Variants in DLG2 observed in about 807,000 individuals in gnomAD.
DLG2 encodes disks large homolog 2.
In DLG2, 45 loss-of-function variants were observed where a neutral mutation model predicts 132.5. That is an observed-to-expected ratio of 0.34 (90% CI 0.27 to 0.44). The LOEUF (loss-of-function observed/expected upper bound fraction) is 0.44. DLG2 is among the 20% of genes least tolerant of loss of function. DLG2 has a pLI of 1.00. For synonymous variants in DLG2, 424 were observed against 419.6 expected, an observed-to-expected ratio of 1.01 and a Z score of -0.13; for missense variants, 1,045 against 1,196.9, an observed-to-expected ratio of 0.87 and a Z score of 1.87.
intron 15 of DLG2, 56 bp downstream of exon 15, chr11:83,930,272 T>G: frequency 1.3e-6 from 2 of 1,594,824 alleles, no homozygotes; most frequent in Non-Finnish European, 1.7e-6. Context: ...TACCCATTTA[T>G]CCTTGTGGAA....
intron 7 of DLG2, among the ~76,000 whole-genome samples, chr11:84,439,461 C>A (rs757489897): frequency 1.3e-5 from 2 of 150,850 alleles, no homozygotes; most frequent in African/African-American, 2.5e-5. Context: ...TGCCTTGCTG[C>A]CAACCAGGGT....
chr11:84,964,099 A>G (rs1351930350), intron 6 of DLG2, among the ~76,000 whole-genome samples: 2 of 152,138 alleles, frequency 1.3e-5, no homozygotes, highest in South Asian at 2.1e-4. Context: ...AAAAAACATT[A>G]AGGCAGCCTA....
In DLG2 at chr11:83,946,282, C is replaced by G. The variant is rs559182339; in HGVS notation, c.1341-15799G>C. Reference sequence around the variant, plus strand: ...GGATTACAGGCTTGAGCCACCACACCCAGCCAACTTCTGGTAATATGATTT... The same window carrying G: ...GGATTACAGGCTTGAGCCACCACACGCAGCCAACTTCTGGTAATATGATTT... On this transcript the variant is annotated intron_variant, in intron 14 of 27. Transcript: ENST00000376104. Among the ~76,000 whole-genome samples the G allele has an allele frequency of 3.3e-5, 5 of 152,268 alleles. No homozygotes were observed. The East Asian group carries it at 9.7e-4, about 29-fold the overall frequency.
intron 16 of DLG2, among the ~76,000 whole-genome samples, chr11:83,871,976 T>G (rs982506591): frequency 6.6e-6 from 1 of 152,000 alleles, no homozygotes; most frequent in Non-Finnish European, 1.5e-5. Context: ...TAAAAATTGG[T>G]GAGTTTGGGC....
intron 21 of DLG2, among the ~76,000 whole-genome samples, chr11:83,493,395 T>TTCCTTCCTTCCTTC (rs1565461867): frequency 7.3e-6 from 1 of 137,356 alleles, no homozygotes; most frequent in Non-Finnish European, 1.6e-5. Context: ...TTCCTTCCTT[T>TTCCTTCCTTCCTTC]CTCTCTCTTT....
At chr11:83,644,797 T>G (rs992240411) in intron 18 of DLG2, among the ~76,000 whole-genome samples, 3 of 152,124 alleles carry the variant, frequency 2.0e-5, no homozygotes, top group African/African-American at 7.2e-5. Flanking sequence ...AAAGGATCTA[T>G]GAGAAAGTGA....
chr11:84,720,667 AAAAAT>A (rs2061719266), intron 6 of DLG2, among the ~76,000 whole-genome samples: 1 of 152,104 alleles, frequency 6.6e-6, no homozygotes, highest in African/African-American at 2.4e-5. Flanking sequence ...GAGGTAAAAT[AAAAAT>A]AAAATAAAAT....
In DLG2 at chr11:84,881,617, T is replaced by C. The variant is rs138279844; in HGVS notation, c.357+230044A>G. Among the ~76,000 whole-genome samples, 1,179 of 152,230 alleles carry C rather than the reference T, an allele frequency of 7.7e-3. 10 individuals carry two copies. Among genetic ancestry groups the C allele is most frequent in the Middle Eastern group, 0.027 (8 of 294 alleles). ...CTTATTACCCCTGGCCTCCTCTCAC[T>C]AAATGCCCATAGCTTTCCCCAGTCA... On this transcript the variant is annotated intron_variant, in intron 6 of 27. Coordinates refer to ENST00000376104, the MANE Select transcript of DLG2 (RefSeq NM_001142699.3).
rs540683466 is a variant in DLG2 at position 83,470,127 on chromosome 11, CATT to C, written c.2447-757_2447-755del. Among the ~76,000 whole-genome samples, 501 of 151,646 alleles carry C rather than the reference CATT, an allele frequency of 3.3e-3. 1 individual carries two copies. The highest frequency in any genetic ancestry group is 0.011 in the African/African-American group (464 of 41,456). On this transcript the variant is annotated intron_variant, in intron 24 of 27. Coordinates refer to ENST00000376104, the MANE Select transcript of DLG2 (RefSeq NM_001142699.3). ...ATACAGATTTATCCTTAAAGATATT[CATT>C]ATATTATTTTATAAGTAATAATTAT...
At chr11:83,634,073 G>A (rs1055988282) in intron 18 of DLG2, among the ~76,000 whole-genome samples, 1 of 152,080 alleles carries the variant, frequency 6.6e-6, no homozygotes, top group Non-Finnish European at 1.5e-5. Flanking sequence ...GTTTGGTGAT[G>A]AATTGTGTAA....
chr11:85,265,908 A>G (rs966174154), intron 4 of DLG2, among the ~76,000 whole-genome samples: 6 of 152,166 alleles, frequency 3.9e-5, no homozygotes, highest in African/African-American at 1.2e-4. Context: ...TCATTGCTCA[A>G]TAAAATTCTC....
At chr11:84,109,922 T>C (rs185114075) in intron 9 of DLG2, among the ~76,000 whole-genome samples, 1 of 152,320 alleles carries the variant, frequency 6.6e-6, no homozygotes, top group East Asian at 1.9e-4. Context: ...TACATTTTAT[T>C]AAAACTCAAA....
At chr11:83,746,726 TA>T (rs557628095) in intron 18 of DLG2, among the ~76,000 whole-genome samples, 10 of 151,548 alleles carry the variant, frequency 6.6e-5, no homozygotes, top group East Asian at 1.9e-4. Flanking sequence ...TAAAGTATAA[TA>T]AAAAAAAAGT....
At chr11:85,146,263 T>TCTCTCC (rs1187061483) in intron 5 of DLG2, among the ~76,000 whole-genome samples, 1 of 148,640 alleles carries the variant, frequency 6.7e-6, no homozygotes, top group East Asian at 2.0e-4. Flanking sequence ...TCTCTCTCTC[T>TCTCTCC]CCTGAGCTTC....
At chr11:85,073,273 T>C (rs1171644911) in intron 6 of DLG2, among the ~76,000 whole-genome samples, 1 of 151,790 alleles carries the variant, frequency 6.6e-6, no homozygotes, top group Non-Finnish European at 1.5e-5. Flanking sequence ...AGGGTGTCCT[T>C]TGTCTCCTCT....
At chr11:84,581,728 G>T (rs570919375) in intron 6 of DLG2, among the ~76,000 whole-genome samples, 1 of 152,020 alleles carries the variant, frequency 6.6e-6, no homozygotes, top group South Asian at 2.1e-4. Context: ...CCAACATGGT[G>T]AAAACCCATC....
chr11:83,587,813 G>GCCTGCCT (rs2097114119), intron 19 of DLG2, among the ~76,000 whole-genome samples: 1 of 152,154 alleles, frequency 6.6e-6, no homozygotes, highest in African/African-American at 2.4e-5. Flanking sequence ...GCAGGGCGAG[G>GCCTGCCT]CATTGCCTCA....
chr11:83,794,077 A>G (rs2042199263), intron 17 of DLG2, among the ~76,000 whole-genome samples: 1 of 152,200 alleles, frequency 6.6e-6, no homozygotes, highest in Admixed American at 6.5e-5. Context: ...CTAGTTTAGC[A>G]GATGTGCTCT....
intron 6 of DLG2, among the ~76,000 whole-genome samples, chr11:84,809,407 C>T (rs2076325066): frequency 6.6e-6 from 1 of 150,810 alleles, no homozygotes; most frequent in African/African-American, 2.4e-5. Context: ...TCTTATTTAC[C>T]ATAATGCTTT....
Sources: allele counts gnomAD v4.1 joint callset (sites outside exome capture counted in the v4.1 genomes callset), GRCh38; gene constraint gnomAD v4.1.1; transcripts MANE v1.5; gene names NCBI Gene and HGNC (gene_info 2026-07-23, HGNC 2026-07-21).